AP3B1: variants seen among roughly 807,000 people sequenced by gnomAD.
AP3B1 encodes adaptor related protein complex 3 subunit beta 1.
A neutral mutation model predicts 132.5 loss-of-function variants in AP3B1; 61 were observed. That is an observed-to-expected ratio of 0.46 (90% CI 0.37 to 0.57). The LOEUF (loss-of-function observed/expected upper bound fraction) is 0.57, where lower values mean the gene tolerates loss of function less well. Ranked by LOEUF, AP3B1 falls within the 20% of genes least tolerant of loss-of-function variation. The pLI, the probability that AP3B1 is intolerant of heterozygous loss-of-function variation, is 0.00. For synonymous variants in AP3B1, 388 were observed against 438.3 expected, an observed-to-expected ratio of 0.89 and a Z score of 1.43; for missense variants, 1,120 against 1,289.4, an observed-to-expected ratio of 0.87 and a Z score of 2.01.
chr5:78,041,296 C>T (rs993126754), intron 22 of AP3B1, among the ~76,000 whole-genome samples: 5 of 151,106 alleles, frequency 3.3e-5, no homozygotes, highest in Non-Finnish European at 7.4e-5. Flanking sequence ...AAAATCATCA[C>T]CTCTAATCTC....
intron 15 of AP3B1, among the ~76,000 whole-genome samples, chr5:78,132,554 T>C (rs1238094678): frequency 6.6e-6 from 1 of 152,136 alleles, no homozygotes; most frequent in Non-Finnish European, 1.5e-5. Flanking sequence ...TAAGAAAACA[T>C]AGAATAAAAG....
chr5:78,281,447 A>C (rs946398318), intron 1 of AP3B1, among the ~76,000 whole-genome samples: 1 of 151,842 alleles, frequency 6.6e-6, no homozygotes, highest in Non-Finnish European at 1.5e-5. Context: ...AAAAAAAAAA[A>C]AAAAAAAAAA....
Position 78,230,003 on chromosome 5 carries a change from C to G in AP3B1, c.280-1764G>C, listed in dbSNP as rs189284458. On this transcript the variant is annotated intron_variant, in intron 3 of 26. Coordinates refer to ENST00000255194, the MANE Select transcript of AP3B1 (RefSeq NM_003664.5). ...CTGTTTGCTCCTTCCTAAACTCACT[C>G]CAATTTTTTTCAGCGTGACACTACA... Among the ~76,000 whole-genome samples, 6 of 152,178 alleles carry G rather than the reference C, an allele frequency of 3.9e-5. No individual in the cohort carries two copies. The East Asian group carries it at 1.2e-3, about 29-fold the overall frequency.
At chr5:78,241,633 C>G (rs971432409) in intron 2 of AP3B1, among the ~76,000 whole-genome samples, 2 of 152,146 alleles carry the variant, frequency 1.3e-5, no homozygotes, top group Non-Finnish European at 2.9e-5. Context: ...CCTCTGCCCA[C>G]TAAAGTTCTG....
intron 24 of AP3B1, among the ~76,000 whole-genome samples, chr5:78,024,364 A>G (rs1347980976): frequency 6.6e-6 from 1 of 151,984 alleles, no homozygotes; most frequent in Non-Finnish European, 1.5e-5. Context: ...CCTATTAATT[A>G]TATTTATTTT....
chr5:78,179,963 C>T (rs898344803), intron 8 of AP3B1, among the ~76,000 whole-genome samples: 1 of 152,106 alleles, frequency 6.6e-6, no homozygotes, highest in Non-Finnish European at 1.5e-5. Context: ...ATTTGTTTCA[C>T]TATTTGAAAA....
At chr5:78,200,706 G>T (rs2112450713) in intron 7 of AP3B1, among the ~76,000 whole-genome samples, 1 of 152,178 alleles carries the variant, frequency 6.6e-6, no homozygotes. Flanking sequence ...ACCACTAAGA[G>T]AACTCATTTT....
chr5:78,227,688 GA>G (rs1034884059), intron 4 of AP3B1, among the ~76,000 whole-genome samples, 156 bp from the exon 5 acceptor site: 2 of 151,716 alleles, frequency 1.3e-5, no homozygotes, highest in African/African-American at 4.8e-5. Context: ...ATAGGAATGG[GA>G]AAAAAAGACA....
intron 7 of AP3B1, among the ~76,000 whole-genome samples, chr5:78,201,108 C>T (rs901515118): frequency 2.0e-5 from 3 of 152,128 alleles, no homozygotes; most frequent in African/African-American, 7.2e-5. Context: ...CTGCCAACAC[C>T]TTGAGATCTT....
intron 7 of AP3B1, among the ~76,000 whole-genome samples, chr5:78,208,235 G>A (rs1276315369): frequency 2.0e-5 from 3 of 152,148 alleles, no homozygotes; most frequent in African/African-American, 4.8e-5. Flanking sequence ...GAAGACTCCA[G>A]GAACATATCT....
intron 22 of AP3B1, among the ~76,000 whole-genome samples, chr5:78,053,413 G>A (rs117384830): frequency 0.027 from 4,073 of 152,026 alleles, 161 homozygotes; most frequent in East Asian, 0.14. Context: ...CGGGTGCAGC[G>A]GCTCACGCCT....
At chr5:78,239,657 T>C (rs1747035485) in intron 3 of AP3B1, among the ~76,000 whole-genome samples, 2 of 150,994 alleles carry the variant, frequency 1.3e-5, no homozygotes, top group Non-Finnish European at 2.9e-5. Context: ...TAAGCGCCTG[T>C]AGTCCCAGCT....
At chr5:78,115,883 C>A in intron 18 of AP3B1, 1 of 466,946 alleles carries the variant, frequency 2.1e-6, no homozygotes, top group Admixed American at 3.4e-5. Context: ...AGTATGAGTT[C>A]CTGTTTCAGC....
At chr5:78,193,550 T>G (rs1327932922) in intron 7 of AP3B1, among the ~76,000 whole-genome samples, 1 of 151,346 alleles carries the variant, frequency 6.6e-6, no homozygotes, top group South Asian at 2.1e-4. Flanking sequence ...AGAATTCTAA[T>G]ATCTAATTTT....
intron 2 of AP3B1, among the ~76,000 whole-genome samples, chr5:78,244,862 G>C (rs1407595792): frequency 6.6e-6 from 1 of 152,058 alleles, no homozygotes; most frequent in Non-Finnish European, 1.5e-5. Flanking sequence ...GGGTGTGGTG[G>C]TACGTGCCTG....
intron 2 of AP3B1, among the ~76,000 whole-genome samples, chr5:78,245,633 A>T (rs1747348203): frequency 6.6e-6 from 1 of 152,188 alleles, no homozygotes; most frequent in South Asian, 2.1e-4. Flanking sequence ...TCAGTTTGAA[A>T]GCGGGCAGTC....
chr5:78,194,370 A>T (rs1744996357), intron 7 of AP3B1, among the ~76,000 whole-genome samples: 1 of 152,168 alleles, frequency 6.6e-6, no homozygotes, highest in South Asian at 2.1e-4. Context: ...GAAAAGGTTT[A>T]AAAAAATCAA....
At position 78,188,576 on chromosome 5, in the gene AP3B1, A is replaced by G. The variant is rs994189089; in HGVS notation, c.787-6914T>C. Among the ~76,000 whole-genome samples the G allele has an allele frequency of 5.3e-5, 8 of 152,286 alleles. No individual in the cohort carries two copies. In the South Asian group the frequency reaches 1.7e-3, roughly 32 times the overall value. ...AATGGCAATTATTAAACACTCAAAAAACAGACGCTGGCCAGGCTGCGGAGA... is the reference window on the plus strand; with the variant it reads ...AATGGCAATTATTAAACACTCAAAAGACAGACGCTGGCCAGGCTGCGGAGA... On this transcript the variant is annotated intron_variant, in intron 7 of 26. Coordinates refer to ENST00000255194, the MANE Select transcript of AP3B1 (RefSeq NM_003664.5).
At chr5:78,119,723 C>T (rs1390354587) in intron 17 of AP3B1, among the ~76,000 whole-genome samples, 8 of 152,144 alleles carry the variant, frequency 5.3e-5, no homozygotes, top group Admixed American at 5.2e-4. Context: ...ATTGGTGTAC[C>T]TGAAAGTGAC....
Sources: allele counts gnomAD v4.1 joint callset (sites outside exome capture counted in the v4.1 genomes callset), GRCh38; gene constraint gnomAD v4.1.1; transcripts MANE v1.5; gene names NCBI Gene and HGNC (gene_info 2026-07-23, HGNC 2026-07-21).